CDH13: variants seen among roughly 807,000 people sequenced by gnomAD.
CDH13 encodes the protein cadherin-13.
A neutral mutation model predicts 63.8 loss-of-function variants in CDH13; 24 were observed. The observed-to-expected ratio is 0.38, with a 90% CI of 0.27 to 0.53. The LOEUF is 0.53. CDH13 is among the 20% of genes least tolerant of loss of function. The pLI is 0.85. For synonymous variants in CDH13, 503 were observed against 355.3 expected (o/e 1.42, Z -4.67); for missense variants, 1,049 against 903.1 (o/e 1.16, Z -2.07).
At chr16:83,516,999 G>T (rs193202724) in intron 7 of CDH13, among the ~76,000 whole-genome samples, 46 of 152,310 alleles carry the variant, frequency 3.0e-4, no homozygotes, top group Middle Eastern at 6.8e-3. Flanking sequence ...GAAATTGCTG[G>T]TGTAGTTAAA....
intron 4 of CDH13, among the ~76,000 whole-genome samples, chr16:83,216,423 T>TATATATATATATATATATATATATATAA: frequency 9.9e-6 from 1 of 100,878 alleles, no homozygotes; most frequent in East Asian, 3.2e-4. Context: ...TATATATATA[T>TATATATATATATATATATATATATATAA]ATATATATAT....
intron 7 of CDH13, among the ~76,000 whole-genome samples, chr16:83,487,741 C>A (rs757317538): frequency 2.0e-5 from 3 of 152,198 alleles, no homozygotes; most frequent in Non-Finnish European, 2.9e-5. Context: ...ACCATCAGCT[C>A]CACGTAACTG....
At chr16:82,943,310 A>G (rs1187810880) in intron 2 of CDH13, among the ~76,000 whole-genome samples, 2 of 152,202 alleles carry the variant, frequency 1.3e-5, no homozygotes, top group Admixed American at 1.3e-4. Context: ...CACATATGAT[A>G]GTATTGCTAG....
chr16:83,394,642 C>T (rs75908281), intron 6 of CDH13, among the ~76,000 whole-genome samples: 1 of 152,168 alleles, frequency 6.6e-6, no homozygotes, highest in African/African-American at 2.4e-5. Context: ...ACCTGACTTG[C>T]ATTTTATAGG....
chr16:83,632,361 C>A (rs573193380), intron 8 of CDH13, among the ~76,000 whole-genome samples: 1 of 152,250 alleles, frequency 6.6e-6, no homozygotes, highest in South Asian at 2.1e-4. Context: ...TCCTTAGATG[C>A]TTTGGGCCTC....
chr16:83,244,265 C>T (rs943357598), intron 5 of CDH13, among the ~76,000 whole-genome samples: 1 of 152,114 alleles, frequency 6.6e-6, no homozygotes, highest in South Asian at 2.1e-4. Context: ...ACTGTGTTGG[C>T]ACAGCACTTT....
At chr16:83,017,152 A>T (rs951220038) in intron 2 of CDH13, among the ~76,000 whole-genome samples, 4 of 152,302 alleles carry the variant, frequency 2.6e-5, no homozygotes, top group Non-Finnish European at 4.4e-5. Flanking sequence ...ACTATCTTTA[A>T]TGGGTGCATA....
intron 3 of CDH13, among the ~76,000 whole-genome samples, chr16:83,075,361 C>T (rs74533904): frequency 0.044 from 6,686 of 152,282 alleles, 179 homozygotes; most frequent in South Asian, 0.1. Context: ...GGTTTACCAC[C>T]TGAGCTCTCC....
chr16:82,779,303 A>AGAAT (rs1337338859), intron 1 of CDH13, among the ~76,000 whole-genome samples: 1 of 152,182 alleles, frequency 6.6e-6, no homozygotes, highest in Non-Finnish European at 1.5e-5. Context: ...GTCCAGCTTC[A>AGAAT]GAATCTGTGG....
intron 6 of CDH13, among the ~76,000 whole-genome samples, chr16:83,384,371 C>T (rs2091630935): frequency 6.6e-6 from 1 of 152,162 alleles, no homozygotes; most frequent in African/African-American, 2.4e-5. Context: ...TCCTTTCTTC[C>T]CTCCAAGTCC....
At chr16:83,468,074 C>G (rs1598089865) in intron 6 of CDH13, among the ~76,000 whole-genome samples, 1 of 152,218 alleles carries the variant, frequency 6.6e-6, no homozygotes, top group Admixed American at 6.5e-5. Context: ...CTTCCATGCC[C>G]TTTTGGCACC....
intron 1 of CDH13, among the ~76,000 whole-genome samples, chr16:82,728,656 C>T (rs2033232113): frequency 6.6e-6 from 1 of 152,108 alleles, no homozygotes; most frequent in South Asian, 2.1e-4. Flanking sequence ...TTGATGGTTT[C>T]TGGCTGATCA....
At chr16:83,293,707 A>G (rs990235279) in intron 5 of CDH13, among the ~76,000 whole-genome samples, 2 of 152,222 alleles carry the variant, frequency 1.3e-5, no homozygotes, top group African/African-American at 4.8e-5. Context: ...CAACTTATTC[A>G]TTCAGAGCAG....
rs116277699 is a variant in CDH13, at chr16:82,638,942, C to G, written c.45+11805C>G. 6.4e-3 allele frequency among the ~76,000 whole-genome samples: 947 copies of G among 148,868 alleles called. 9 individuals are homozygous for G. The highest frequency in any genetic ancestry group is 0.022 in the African/African-American group (913 of 40,922). ...ACTAGTTACCCATGTTATCTGGAAT[C>G]CTTCCTGCAACCCTTAGAGGCGACT... On this transcript the variant is annotated intron_variant, in intron 1 of 13. Coordinates refer to ENST00000567109, the MANE Select transcript of CDH13 (RefSeq NM_001257.5).
intron 1 of CDH13, among the ~76,000 whole-genome samples, chr16:82,695,441 A>G (rs1050483340): frequency 4.6e-5 from 7 of 152,146 alleles, no homozygotes; most frequent in African/African-American, 1.7e-4. Flanking sequence ...ATCTGTTCCT[A>G]TATCTCTACC....
At chr16:82,715,896 TTTC>T (rs771471061) in intron 1 of CDH13, among the ~76,000 whole-genome samples, 1 of 152,220 alleles carries the variant, frequency 6.6e-6, no homozygotes, top group East Asian at 1.9e-4. Flanking sequence ...AGGAATGCCC[TTTC>T]TTCTTTAGCC....
chr16:82,977,708 C>G (rs757704939), intron 2 of CDH13, among the ~76,000 whole-genome samples: 4 of 152,124 alleles, frequency 2.6e-5, no homozygotes, highest in Non-Finnish European at 5.9e-5. Context: ...ACTAATACAG[C>G]AAATTGGTTC....
At chr16:82,816,386 G>A (rs542135422) in intron 1 of CDH13, among the ~76,000 whole-genome samples, 2 of 152,192 alleles carry the variant, frequency 1.3e-5, no homozygotes, top group Admixed American at 1.3e-4. Context: ...ATATTCCGGG[G>A]GGAAAAAGAG....
chr16:83,396,875 T>A (rs1160760544), intron 6 of CDH13: 1 of 152,208 alleles, frequency 6.6e-6, no homozygotes, highest in African/African-American at 2.4e-5. Context: ...GTTTCACATT[T>A]TTAATTCTCA....
Sources: gnomAD v4.1 joint callset for allele counts (sites outside exome capture counted in the v4.1 genomes callset) on GRCh38, gnomAD v4.1.1 for gene constraint, MANE v1.5 for transcripts, NCBI Gene and HGNC (gene_info 2026-07-23, HGNC 2026-07-21) for gene names.